Variants in ADCK5 observed in about 807,000 individuals in gnomAD.
The protein encoded by ADCK5 is uncharacterized aarF domain-containing protein kinase 5.
In ADCK5, 43 loss-of-function variants were observed where a neutral mutation model predicts 64.9. That is an observed-to-expected ratio of 0.66 (90% CI 0.52 to 0.85). The LOEUF is 0.85. Ranked by LOEUF, ADCK5 falls within the 40% of genes least tolerant of loss-of-function variation. ADCK5 has a pLI of 0.00. For synonymous variants in ADCK5, 434 were observed against 342.8 expected, an observed-to-expected ratio of 1.27 and a Z score of -2.94; for missense variants, 760 against 810.5, an observed-to-expected ratio of 0.94 and a Z score of 0.76.
In ADCK5 at chr8:144,384,808, C is replaced by G. The variant is rs116397219; in HGVS notation, c.266+1578C>G. Among the ~76,000 whole-genome samples the G allele has an allele frequency of 6.6e-6, 1 of 152,236 alleles. No individual in the cohort carries two copies. The highest frequency in any genetic ancestry group is 1.5e-5 in the Non-Finnish European group (1 of 68,044). On this transcript the variant is annotated intron_variant, in intron 3 of 14. Coordinates refer to ENST00000308860, the MANE Select transcript of ADCK5 (RefSeq NM_174922.5). The surrounding 1 kb of genome is among the most constrained non-coding windows in gnomAD (Gnocchi z 5.7). ...GGCTCACTTTGTGGGAAAACATCTT[C>G]TCACAGCTCGCTCTCAGGGGCTGAG...
At position 144,392,961 on chromosome 8, in the gene ADCK5, C is replaced by T. The variant is rs912961538; in HGVS notation, c.1638-8C>T. On this transcript the variant is annotated splice_region_variant and splice_polypyrimidine_tract_variant and intron_variant, in intron 14 of 14. Coordinates refer to ENST00000308860, the MANE Select transcript of ADCK5 (RefSeq NM_174922.5). ...ACCCACCTGTGACCTGTGACCTGAC[C>T]CACGCAGGCTGGAGACCTTGGCCAT... 1.3e-6 allele frequency: 2 copies of T among 1,579,698 alleles called. No homozygotes were observed. Among genetic ancestry groups the T allele is most frequent in the African/African-American group, 2.9e-5 (2 of 68,532 alleles).
intron 3 of ADCK5, 81 bp from the exon 4 acceptor site, chr8:144,390,590 C>A (rs979324522): frequency 7.1e-7 from 1 of 1,418,288 alleles, no homozygotes; most frequent in South Asian, 1.2e-5. Context: ...TGAGGCTAGA[C>A]CATGAGGGCT....
chr8:144,390,150 G>A (rs527298642), intron 3 of ADCK5, among the ~76,000 whole-genome samples: 5 of 151,990 alleles, frequency 3.3e-5, no homozygotes, highest in Admixed American at 6.6e-5. Context: ...TTTTTTGGAC[G>A]GAGTCTCGCT....
upstream of ADCK5, chr8:144,374,034 C>T: frequency 8.0e-7 from 1 of 1,242,432 alleles, no homozygotes; most frequent in South Asian, 4.1e-5. Context: ...TCCCGCAGGG[C>T]CTGCTGGGCT....
At chr8:144,387,232 T>C (rs1473168677) in intron 3 of ADCK5, among the ~76,000 whole-genome samples, 1 of 152,212 alleles carries the variant, frequency 6.6e-6, no homozygotes, top group Non-Finnish European at 1.5e-5. Flanking sequence ...TTGCTTGTGG[T>C]CATATTCGTC....
Position 144,391,371 on chromosome 8 carries a change from T to G in ADCK5, c.695T>G (p.Ile232Ser). Residue 232 changes from isoleucine (I) to serine (S), a missense_variant, in exon 7 of 15, where the codon ATC (isoleucine) becomes AGC (serine). This residue lies in a region of ADCK5 where 427 missense variants were observed against 518.4 expected (regional missense o/e 0.82). Coordinates refer to ENST00000308860, the MANE Select transcript of ADCK5 (RefSeq NM_174922.5). Reference sequence around the variant, plus strand: ...CCTCGCCCAGTGCAGGTGCAGTACATCGACCTGCGGGACCGCTTTGATGGG... The same window carrying G: ...CCTCGCCCAGTGCAGGTGCAGTACAGCGACCTGCGGGACCGCTTTGATGGG... ...GTSVAVKVQY[I>S]DLRDRFDGDI... 6.2e-7 allele frequency: 1 copy of G among 1,613,116 alleles called. No homozygotes were observed. Among genetic ancestry groups the G allele is most frequent in the South Asian group, 1.1e-5 (1 of 91,086 alleles).
chr8:144,383,294 T>C lies in ADCK5; in HGVS notation c.266+64T>C. ...CGGGCGGGGTGTGTGCGGTGCAGGA[T>C]TGCCTGCTCCAGATGCCTTCACAGA... On this transcript the variant is annotated intron_variant, in intron 3 of 14. Transcript: ENST00000308860. The C allele has an allele frequency of 2.0e-6, 3 of 1,471,460 alleles. No individual in the cohort carries two copies. The East Asian group carries it at 7.3e-5, about 36-fold the overall frequency. 91.2% of individuals were successfully genotyped at this position (1,471,460 alleles called of 1,614,324 possible). A position where few individuals can be genotyped will look rare whatever the true frequency, so the allele number is the denominator to read the frequency against.
intron 3 of ADCK5, among the ~76,000 whole-genome samples, chr8:144,385,897 G>C (rs1312420245): frequency 1.3e-5 from 2 of 151,218 alleles, no homozygotes; most frequent in African/African-American, 4.9e-5. Context: ...CCGGGAGGCG[G>C]AGCTTGCAGT....
intron 6 of ADCK5, 32 bp downstream of exon 6, chr8:144,391,306 C>T (rs1554860463): frequency 1.2e-6 from 2 of 1,612,130 alleles, no homozygotes; most frequent in Non-Finnish European, 1.7e-6. Context: ...CAGCAGTGGG[C>T]TGGGGCGGGG....
chr8:144,380,940 G>A (rs1331156332), intron 2 of ADCK5, among the ~76,000 whole-genome samples: 2 of 109,928 alleles, frequency 1.8e-5, no homozygotes, highest in African/African-American at 3.8e-5. Context: ...TATGGGCTGG[G>A]TGTAGAAGCA....
At chr8:144,390,060 ACCT>A in intron 3 of ADCK5, among the ~76,000 whole-genome samples, 1 of 144,454 alleles carries the variant, frequency 6.9e-6, no homozygotes, top group East Asian at 2.1e-4. Context: ...TGAACTCCTG[ACCT>A]CTGGTGATCC....
rs182077499 is a variant in ADCK5 at position 144,383,977 on chromosome 8, C to T, written c.266+747C>T. ...GCGCAATCTCGGCTCACTCAAGCCC[C>T]GCCTCCCTGGTTCACGCCATTCTCC... On this transcript the variant is annotated intron_variant, in intron 3 of 14. Transcript: ENST00000308860. Among the ~76,000 whole-genome samples, 13 of 151,510 alleles carry T rather than the reference C, an allele frequency of 8.6e-5. No homozygotes were observed. The East Asian group carries it at 1.4e-3, about 16-fold the overall frequency.
intron 1 of ADCK5, chr8:144,375,777 G>T (rs4380978): frequency 4.0e-5 from 24 of 594,894 alleles, no homozygotes; most frequent in Admixed American, 2.5e-4. Flanking sequence ...GGTTCTGACA[G>T]GGGGCACCCG....
At position 144,392,882 on chromosome 8, in the gene ADCK5, G is replaced by C; in HGVS notation, c.1627G>C (p.Val543Leu). The change falls in exon 14 of 15, where the codon GTG (valine) becomes CTG (leucine). Residue 543 changes from valine to leucine, a missense_variant. By Grantham distance (32) the Val-to-Leu change is conservative. Transcript: ENST00000308860. ...KVVWEMLKFEVALRLETLAMR... is the reference protein window; with the variant it reads ...KVVWEMLKFELALRLETLAMR... ...CGTCTGGGAGATGCTCAAGTTTGAA[G>C]TGGCGCTCAGGTGAGTGGCCGCGGG... The C allele has an allele frequency of 6.2e-7, 1 of 1,601,850 alleles. No homozygotes were observed. The highest frequency in any genetic ancestry group is 8.5e-7 in the Non-Finnish European group (1 of 1,176,972).
chr8:144,378,888 A>G (rs1389579945), intron 1 of ADCK5, among the ~76,000 whole-genome samples: 4 of 151,900 alleles, frequency 2.6e-5, no homozygotes, highest in Non-Finnish European at 5.9e-5. Context: ...CAGAAAAACA[A>G]ACAAACCTAT....
chr8:144,387,341 G>A (rs1339819240), intron 3 of ADCK5, among the ~76,000 whole-genome samples: 4 of 152,156 alleles, frequency 2.6e-5, no homozygotes, highest in South Asian at 2.1e-4. Flanking sequence ...GTAATTAGCC[G>A]TATGGAGGCA....
chr8:144,391,083 G>A (rs1554860389), intron 5 of ADCK5, 27 bp downstream of exon 5: 4 of 1,610,836 alleles, frequency 2.5e-6, no homozygotes, highest in South Asian at 2.2e-5. Context: ...GCCGAGGGAG[G>A]TGGGGCCTCC....
At chr8:144,386,387 C>T (rs745696566) in intron 3 of ADCK5, among the ~76,000 whole-genome samples, 1 of 147,018 alleles carries the variant, frequency 6.8e-6, no homozygotes, top group East Asian at 2.0e-4. Flanking sequence ...GATGGAGTTT[C>T]GCTCTTGCTG....
At chr8:144,379,276 G>A (rs1465582567) in intron 1 of ADCK5, 111 bp from the exon 2 acceptor site, 4 of 714,500 alleles carry the variant, frequency 5.6e-6, no homozygotes, top group African/African-American at 1.8e-5. Flanking sequence ...TCACACATTA[G>A]GTTTAGAGTT....
Sources: gnomAD v4.1 joint callset for allele counts (sites outside exome capture counted in the v4.1 genomes callset) on GRCh38, gnomAD v4.1.1 for gene constraint, gnomAD v4.1.1 regional missense constraint, Gnocchi (gnomAD v3.1) non-coding constraint, MANE v1.5 for transcripts, NCBI Gene and HGNC (gene_info 2026-07-23, HGNC 2026-07-21) for gene names.